Variants in CDC16 observed in about 807,000 individuals in gnomAD.
CDC16 encodes cell division cycle 16.
A neutral mutation model predicts 87.0 loss-of-function variants in CDC16; 34 were observed. That is an observed-to-expected ratio of 0.39 (90% CI 0.30 to 0.52). The LOEUF is 0.52. Among genes scored for constraint, CDC16 ranks in the 20% least tolerant of loss-of-function variants. The pLI is 0.74. For synonymous variants in CDC16, 263 were observed against 260.6 expected (o/e 1.01, Z -0.09); for missense variants, 653 against 751.9 (o/e 0.87, Z 1.54).
intron 13 of CDC16, among the ~76,000 whole-genome samples, chr13:114,258,893 T>G (rs1387826757): frequency 6.6e-6 from 1 of 151,762 alleles, no homozygotes; most frequent in Admixed American, 6.6e-5. Context: ...AGGCCAGGAG[T>G]TTGAGACCAG....
rs567676063 is a variant in CDC16, at chr13:114,272,471, TC to T, written c.*31del. ...CCAGTCAGTGGTCCTGGTCCCACTG[TC>T]CCAGTGTAGGTTAGTATTCCTTCAC... On this transcript the variant is annotated 3_prime_UTR_variant, in exon 18 of 18. Transcript: ENST00000356221. 7.2e-5 allele frequency: 115 copies of T among 1,601,594 alleles called. No homozygotes were observed. Among genetic ancestry groups the T allele is most frequent in the Admixed American group, 8.5e-5 (5 of 59,102 alleles).
At chr13:114,261,010 C>T (rs949887297) in intron 14 of CDC16, among the ~76,000 whole-genome samples, 2 of 152,106 alleles carry the variant, frequency 1.3e-5, no homozygotes, top group Non-Finnish European at 2.9e-5. Flanking sequence ...AGTGAAAATA[C>T]GGTGCAATTG....
intron 3 of CDC16, among the ~76,000 whole-genome samples, chr13:114,238,522 G>A (rs1268479025): frequency 6.6e-6 from 1 of 151,310 alleles, no homozygotes; most frequent in African/African-American, 2.5e-5. Flanking sequence ...CGATCTCCTC[G>A]GACGCCCAGC....
intron 12 of CDC16, among the ~76,000 whole-genome samples, chr13:114,253,944 G>T (rs1472893066): frequency 6.6e-6 from 1 of 152,016 alleles, no homozygotes; most frequent in Non-Finnish European, 1.5e-5. Flanking sequence ...TCCAATTCCG[G>T]CACATTTCAC....
At chr13:114,239,603 C>T (rs2081442343) in intron 5 of CDC16, 113 bp downstream of exon 5, 2 of 1,267,864 alleles carry the variant, frequency 1.6e-6, no homozygotes, top group African/African-American at 3.1e-5. Context: ...ATTGTGGTTG[C>T]CAATTTATTT....
Position 114,265,166 on chromosome 13 carries a change from G to A in CDC16, c.1529G>A (p.Arg510Gln). Reference protein sequence around the residue: ...DYFHTALGLRRDDTFSVTMLG... With the variant: ...DYFHTALGLRQDDTFSVTMLG... ...TTATGGCAGGCCCTTGGTCTTAGGC[G>A]AGATGATACATTTTCTGTTACAATG... Residue 510 changes from arginine to glutamine, a missense_variant, in exon 17 of 18, where the codon CGA (arginine) becomes CAA (glutamine). By Grantham distance (43) the Arg-to-Gln change is conservative. Transcript: ENST00000356221. The A allele has an allele frequency of 1.2e-6, 2 of 1,610,394 alleles. No homozygotes were observed. The highest frequency in any genetic ancestry group is 1.1e-5 in the South Asian group (1 of 90,994).
At chr13:114,265,846 G>A (rs1456616019) in intron 17 of CDC16, among the ~76,000 whole-genome samples, 1 of 150,558 alleles carries the variant, frequency 6.6e-6, no homozygotes, top group Non-Finnish European at 1.5e-5. Context: ...ATGGAGCTTC[G>A]CTCTTGTTGC....
intron 10 of CDC16, 114 bp from the exon 11 acceptor site, chr13:114,246,817 A>G: frequency 1.4e-6 from 1 of 718,094 alleles, no homozygotes; most frequent in Non-Finnish European, 2.5e-6. Flanking sequence ...TAACTTAACT[A>G]GAATATGTGA....
chr13:114,245,869 A>G lies in CDC16; in HGVS notation c.848-131A>G. ...CAGTTAGAGAGTTAATTTTTTATCT[A>G]GAAGGAAAGACAAGTATGAAATCAT... On this transcript the variant is annotated intron_variant, in intron 9 of 17. Coordinates refer to ENST00000356221, the MANE Select transcript of CDC16 (RefSeq NM_001078645.3). 11 of 623,872 alleles carry G rather than the reference A, an allele frequency of 1.8e-5. No individual in the cohort carries two copies. In the South Asian group the frequency reaches 1.8e-4, roughly 10 times the overall value. The allele number at this position is 623,872 out of a possible 1,614,324, so 38.6% of individuals were successfully genotyped here. A position where few individuals can be genotyped will look rare whatever the true frequency, so the allele number is the denominator to read the frequency against.
intron 9 of CDC16, chr13:114,245,629 T>C (rs2081824750): frequency 5.6e-6 from 1 of 179,688 alleles, no homozygotes; most frequent in African/African-American, 2.4e-5. Context: ...TTTCTCAAGA[T>C]TAAATAGTAT....
chr13:114,248,446 C>T (rs529059385), intron 11 of CDC16, among the ~76,000 whole-genome samples: 3 of 152,158 alleles, frequency 2.0e-5, no homozygotes, highest in South Asian at 2.1e-4. Flanking sequence ...TTTGGGAGGC[C>T]GAGACAGGCA....
Position 114,236,872 on chromosome 13 carries a change from A to C in CDC16, c.177A>C (p.Ala59=). 6.3e-7 allele frequency: 1 copy of C among 1,594,704 alleles called. No individual in the cohort carries two copies. The highest frequency in any genetic ancestry group is 8.5e-7 in the Non-Finnish European group (1 of 1,174,372). ...LTAQYHRAAH[A]LRSRKLDKLY... is the part of the protein sequence containing the mutation. ...CACAATATCACAGAGCCGCCCATGC[A>C]CTTCGGTCACGAAAACTGGACAAAG... The change falls in exon 3 of 18, where the codon GCA becomes GCC. Residue 59 remains alanine (A), a synonymous_variant. Transcript: ENST00000356221.
intron 9 of CDC16, 137 bp from the exon 10 acceptor site, chr13:114,245,863 T>C (rs2081838547): frequency 1.6e-6 from 1 of 617,270 alleles, no homozygotes; most frequent in African/African-American, 1.9e-5. Flanking sequence ...AGTTAATTTT[T>C]TATCTAGAAG....
Position 114,236,598 on chromosome 13 carries a change from TTAAAA to T in CDC16, c.49-43_49-39del, listed in dbSNP as rs988686863. 7 of 1,564,470 alleles carry T rather than the reference TTAAAA, an allele frequency of 4.5e-6. No individual in the cohort carries two copies. The African/African-American group carries it at 5.5e-5, about 12-fold the overall frequency. ...AATATTAGATAACTGTTTAAGACTA[TTAAAA>T]TAACAGGGCAGTTACCACCTTTTTT... On this transcript the variant is annotated intron_variant, in intron 1 of 17. Transcript: ENST00000356221.
At chr13:114,236,259 A>G (rs17290986) in intron 1 of CDC16, among the ~76,000 whole-genome samples, 1 of 152,228 alleles carries the variant, frequency 6.6e-6, no homozygotes, top group Non-Finnish European at 1.5e-5. Flanking sequence ...TCTGTCTTCT[A>G]AATTTCACTT....
At chr13:114,254,874 C>A (rs1181208360) in intron 12 of CDC16, among the ~76,000 whole-genome samples, 1 of 152,218 alleles carries the variant, frequency 6.6e-6, no homozygotes, top group Non-Finnish European at 1.5e-5. Context: ...AATGGACCTT[C>A]AGTCTGATAA....
intron 1 of CDC16, among the ~76,000 whole-genome samples, chr13:114,235,608 A>G (rs1272437745): frequency 6.6e-6 from 1 of 152,238 alleles, no homozygotes; most frequent in Non-Finnish European, 1.5e-5. Flanking sequence ...TGTTCTCTGC[A>G]CTACCTTTGA....
chr13:114,253,615 A>G lies in CDC16; in HGVS notation c.1097+2941A>G, dbSNP rs138753722. On this transcript the variant is annotated intron_variant, in intron 12 of 17. Transcript: ENST00000356221. ...TGAGGCAGGAGAAGCTCTTGAACCC[A>G]GAGGCAGAGGTTCCAATGAGCTGAG... Among the ~76,000 whole-genome samples, 1,475 of 151,892 alleles carry G rather than the reference A, an allele frequency of 9.7e-3. 21 individuals carry two copies. The highest frequency in any genetic ancestry group is 0.034 in the African/African-American group (1,401 of 41,386).
At chr13:114,237,004 G>T (rs559150941) in intron 3 of CDC16, 108 bp downstream of exon 3, 21 of 610,554 alleles carry the variant, frequency 3.4e-5, no homozygotes, top group Non-Finnish European at 4.3e-5. Context: ...GGAAAGCCAA[G>T]GCAGGTGGAT....
Sources: allele counts gnomAD v4.1 joint callset (sites outside exome capture counted in the v4.1 genomes callset), GRCh38; gene constraint gnomAD v4.1.1; transcripts MANE v1.5; gene names NCBI Gene and HGNC (gene_info 2026-07-23, HGNC 2026-07-21).